The following VWA8 variants were observed in gnomAD, a reference collection of about 807,000 sequenced individuals.
VWA8 encodes von Willebrand factor A domain-containing protein 8.
A neutral mutation model predicts 241.5 loss-of-function variants in VWA8; 221 were observed. That is an observed-to-expected ratio of 0.91 (90% CI 0.82 to 1.02). The LOEUF (loss-of-function observed/expected upper bound fraction) is 1.02, where lower values mean the gene tolerates loss of function less well. Ranked by LOEUF, VWA8 falls within the 50% of genes least tolerant of loss-of-function variation. The pLI, the probability that VWA8 is intolerant of heterozygous loss-of-function variation, is 0.00. For synonymous variants in VWA8, 852 were observed against 827.1 expected, an observed-to-expected ratio of 1.03 and a Z score of -0.52; for missense variants, 2,322 against 2,328.7, an observed-to-expected ratio of 1.00 and a Z score of 0.06.
intron 33 of VWA8, among the ~76,000 whole-genome samples, chr13:41,689,869 T>C (rs1566416132): frequency 6.6e-6 from 1 of 151,964 alleles, no homozygotes; most frequent in Non-Finnish European, 1.5e-5. Context: ...TAAATAGAAA[T>C]CCCAATAGTC....
intron 14 of VWA8, among the ~76,000 whole-genome samples, chr13:41,828,679 T>C (rs1233143176): frequency 6.6e-6 from 1 of 152,144 alleles, no homozygotes; most frequent in Non-Finnish European, 1.5e-5. Context: ...TGTCTTTTTT[T>C]CTGAAATATT....
intron 42 of VWA8, among the ~76,000 whole-genome samples, chr13:41,581,953 A>C (rs2139641042): frequency 6.6e-6 from 1 of 152,382 alleles, no homozygotes; most frequent in Non-Finnish European, 1.5e-5. Flanking sequence ...TGATGAAAAG[A>C]CAACGGTTCA....
chr13:41,867,850 T>C (rs1873383737), intron 10 of VWA8, among the ~76,000 whole-genome samples: 2 of 152,096 alleles, frequency 1.3e-5, no homozygotes, highest in Non-Finnish European at 2.9e-5. Flanking sequence ...CTCCATAAAA[T>C]GTGTGTATAT....
chr13:41,938,650 CA>C (rs367709095), intron 2 of VWA8, among the ~76,000 whole-genome samples: 1,961 of 127,936 alleles, frequency 0.015, 34 homozygotes, highest in African/African-American at 0.047. Context: ...GACTGCGTCT[CA>C]AAAAAAAAAA....
chr13:41,822,877 A>T (rs1159571954), intron 14 of VWA8, among the ~76,000 whole-genome samples: 7 of 152,108 alleles, frequency 4.6e-5, no homozygotes, highest in Non-Finnish European at 7.4e-5. Context: ...ATGTGATTCC[A>T]TTTATATAAA....
chr13:41,909,194 G>A (rs983469193), intron 3 of VWA8, among the ~76,000 whole-genome samples: 4 of 152,002 alleles, frequency 2.6e-5, no homozygotes, highest in South Asian at 4.2e-4. Flanking sequence ...CTGTGGCTGG[G>A]ACTATAGGCA....
At position 41,685,044 on chromosome 13, in the gene VWA8, T is replaced by C; in HGVS notation, c.4327+3A>G. On this transcript the variant is annotated splice_donor_region_variant and intron_variant, in intron 35 of 44. Coordinates refer to ENST00000379310, the MANE Select transcript of VWA8 (RefSeq NM_015058.2). Reference sequence around the variant, plus strand: ...AATTAGGAATTGGTGAGTTCCTTCTTACCTTTTGGGTAGATATCTTTTAGA... The same window carrying C: ...AATTAGGAATTGGTGAGTTCCTTCTCACCTTTTGGGTAGATATCTTTTAGA... The C allele has an allele frequency of 1.9e-6, 3 of 1,611,462 alleles. No homozygotes were observed. Among genetic ancestry groups the C allele is most frequent in the East Asian group, 2.2e-5 (1 of 44,854 alleles).
chr13:41,683,005 A>T (rs1196826510), intron 35 of VWA8, among the ~76,000 whole-genome samples: 1 of 152,162 alleles, frequency 6.6e-6, no homozygotes, highest in Admixed American at 6.6e-5. Flanking sequence ...TTCATTGCTG[A>T]TAGAAATGCA....
At chr13:41,915,990 G>A (rs937620819) in intron 2 of VWA8, among the ~76,000 whole-genome samples, 3 of 152,136 alleles carry the variant, frequency 2.0e-5, no homozygotes, top group Non-Finnish European at 4.4e-5. Context: ...CAGACCTATT[G>A]TATAAAGACA....
chr13:41,576,124 T>C (rs1452214617), intron 42 of VWA8, among the ~76,000 whole-genome samples: 2 of 152,178 alleles, frequency 1.3e-5, no homozygotes, highest in Non-Finnish European at 2.9e-5. Context: ...GGTGAGGTAG[T>C]TCCCTCCAAC....
intron 4 of VWA8, among the ~76,000 whole-genome samples, chr13:41,893,280 G>A (rs377511669): frequency 5.5e-4 from 83 of 152,186 alleles, no homozygotes; most frequent in African/African-American, 2.0e-3. Context: ...GTATAGTAGA[G>A]CTTAGTTTAT....
chr13:41,862,930 T>C (rs535140617), intron 12 of VWA8, among the ~76,000 whole-genome samples: 231 of 152,300 alleles, frequency 1.5e-3, no homozygotes, highest in African/African-American at 5.2e-3. Flanking sequence ...ACTAAGTATA[T>C]ACTCAAATGA....
At chr13:41,787,885 A>T (rs564835421) in intron 17 of VWA8, among the ~76,000 whole-genome samples, 4 of 152,318 alleles carry the variant, frequency 2.6e-5, no homozygotes, top group African/African-American at 9.6e-5. Flanking sequence ...TCTTAAGTAG[A>T]TTAAACAACA....
At chr13:41,776,578 A>T (rs1868604202) in intron 20 of VWA8, among the ~76,000 whole-genome samples, 1 of 152,202 alleles carries the variant, frequency 6.6e-6, no homozygotes, top group Non-Finnish European at 1.5e-5. Flanking sequence ...AAAATGAAAC[A>T]AGAGAATATT....
chr13:41,842,510 G>A (rs1183724028), intron 12 of VWA8, among the ~76,000 whole-genome samples: 1 of 152,150 alleles, frequency 6.6e-6, no homozygotes, highest in African/African-American at 2.4e-5. Flanking sequence ...TGTATGTGTG[G>A]TAAGCACTGG....
At chr13:41,657,116 A>C (rs574764272) in intron 37 of VWA8, among the ~76,000 whole-genome samples, 2 of 152,140 alleles carry the variant, frequency 1.3e-5, no homozygotes, top group East Asian at 3.9e-4. Context: ...CTGAAATTAC[A>C]CGGAGAGACA....
chr13:41,826,831 G>A (rs1309595379), intron 14 of VWA8, among the ~76,000 whole-genome samples: 2 of 152,044 alleles, frequency 1.3e-5, no homozygotes, highest in Non-Finnish European at 2.9e-5. Context: ...CCGAGATTGT[G>A]CCACTGCACT....
At chr13:41,677,078 T>C (rs2045065426) in intron 35 of VWA8, among the ~76,000 whole-genome samples, 1 of 152,204 alleles carries the variant, frequency 6.6e-6, no homozygotes, top group African/African-American at 2.4e-5. Context: ...TTTTAGACTT[T>C]AGGAATATTT....
intron 42 of VWA8, among the ~76,000 whole-genome samples, chr13:41,579,428 A>C (rs1010676794): frequency 3.9e-5 from 6 of 152,248 alleles, no homozygotes; most frequent in Non-Finnish European, 8.8e-5. Flanking sequence ...GAAAAGAATA[A>C]TGTACTGAAA....
Sources: gnomAD v4.1 joint callset for allele counts (sites outside exome capture counted in the v4.1 genomes callset) on GRCh38, gnomAD v4.1.1 for gene constraint, MANE v1.5 for transcripts, NCBI Gene and HGNC (gene_info 2026-07-23, HGNC 2026-07-21) for gene names.